Variants in RELN observed in about 807,000 individuals in gnomAD.
RELN encodes the protein reelin.
RELN carries 108 observed loss-of-function variants against 427.6 expected under a neutral mutation model. The observed-to-expected ratio is 0.25, with a 90% CI of 0.22 to 0.30. RELN has a LOEUF of 0.30. RELN is among the 10% of genes least tolerant of loss of function. The pLI is 1.00. For missense variants in RELN, 3,715 were observed against 4,302.8 expected (o/e 0.86, Z 3.82); for synonymous variants, 1,524 against 1,513.4 (o/e 1.01, Z -0.16).
intron 8 of RELN, among the ~76,000 whole-genome samples, chr7:103,704,852 G>A (rs1319930857): frequency 6.6e-6 from 1 of 152,078 alleles, no homozygotes; most frequent in Non-Finnish European, 1.5e-5. Context: ...CTACTCTCAA[G>A]CACTCAGTTG....
At chr7:103,939,555 A>G (rs1392424800) in intron 1 of RELN, among the ~76,000 whole-genome samples, 1 of 152,218 alleles carries the variant, frequency 6.6e-6, no homozygotes, top group Non-Finnish European at 1.5e-5. Flanking sequence ...GGGTTGGTAT[A>G]ACCATTCTTT....
intron 4 of RELN, among the ~76,000 whole-genome samples, chr7:103,756,554 C>A (rs1167302557): frequency 6.6e-6 from 1 of 152,110 alleles, no homozygotes; most frequent in Non-Finnish European, 1.5e-5. Context: ...TTGAAAGCTA[C>A]TCCTTAGTTG....
chr7:103,697,211 C>T (rs1833994473), intron 10 of RELN, among the ~76,000 whole-genome samples: 1 of 152,122 alleles, frequency 6.6e-6, no homozygotes, highest in South Asian at 2.1e-4. Flanking sequence ...ACTTAATTAC[C>T]TCCCAAGGGC....
Position 103,487,172 on chromosome 7 carries a change from C to CTG in RELN, c.9764-757_9764-756insCA, listed in dbSNP as rs1828469847. Among the ~76,000 whole-genome samples, 3 of 152,234 alleles carry CTG rather than the reference C, an allele frequency of 2.0e-5. No individual in the cohort carries two copies. The South Asian group carries it at 6.2e-4, about 32-fold the overall frequency. On this transcript the variant is annotated intron_variant, in intron 60 of 64. Transcript: ENST00000428762. The stretch of plus-strand genomic sequence containing the variant: ...AACACAAGAATAGAAAACCAAACCA[C>CTG]CGCATGTTCTAATTCATAGGTGGGA...
At chr7:103,702,172 G>A (rs557766808) in intron 8 of RELN, among the ~76,000 whole-genome samples, 1 of 152,316 alleles carries the variant, frequency 6.6e-6, no homozygotes, top group South Asian at 2.1e-4. Context: ...TTTAATTGTT[G>A]CTAAAACTCT....
intron 22 of RELN, among the ~76,000 whole-genome samples, chr7:103,606,096 A>G (rs1163115223): frequency 6.6e-6 from 1 of 152,212 alleles, no homozygotes; most frequent in Non-Finnish European, 1.5e-5. Flanking sequence ...AGCACTACAG[A>G]ATAGACGTAA....
At chr7:103,748,386 T>A (rs1790902098) in intron 6 of RELN, among the ~76,000 whole-genome samples, 1 of 152,144 alleles carries the variant, frequency 6.6e-6, no homozygotes, top group African/African-American at 2.4e-5. Flanking sequence ...CTCAACACTC[T>A]ATATGTCATC....
Position 103,573,499 on chromosome 7 carries a change from T to C in RELN, c.4511+593A>G, listed in dbSNP as rs1830929630. Among the ~76,000 whole-genome samples, 1 of 152,146 alleles carries C rather than the reference T, an allele frequency of 6.6e-6. No individual in the cohort carries two copies. The highest frequency in any genetic ancestry group is 1.5e-5 in the Non-Finnish European group (1 of 68,024). ...AAAATATGACACAGGACCCCAGATT[T>C]TGTGAGGAGGTCTAAAAATTTTAAA... On this transcript the variant is annotated intron_variant, in intron 30 of 64. Transcript: ENST00000428762. This position sits in a 1 kb window ranked among gnomAD's most constrained non-coding sequence, Gnocchi z 4.4.
intron 31 of RELN, among the ~76,000 whole-genome samples, 156 bp downstream of exon 31, chr7:103,572,028 G>A (rs535239614): frequency 1.3e-5 from 2 of 152,034 alleles, no homozygotes; most frequent in Non-Finnish European, 2.9e-5. Flanking sequence ...TAGAGATCTT[G>A]GCTCTGTGCA....
At chr7:103,510,241 A>G (rs1829361371) in intron 51 of RELN, among the ~76,000 whole-genome samples, 1 of 152,260 alleles carries the variant, frequency 6.6e-6, no homozygotes, top group South Asian at 2.1e-4. Context: ...AACCAACCAA[A>G]TGCCCATCAA....
At position 103,492,248 on chromosome 7, in the gene RELN, A is replaced by G. The variant is rs533872576; in HGVS notation, c.9370-222T>C. On this transcript the variant is annotated intron_variant, in intron 57 of 64. Transcript: ENST00000428762. ...TAAAGGTTTTAAAAGTTACATTTCT[A>G]TGTACTAAATTAGTATAATAAAAAA... 5.9e-4 allele frequency among the ~76,000 whole-genome samples: 90 copies of G among 152,346 alleles called. 1 individual carries two copies. Among genetic ancestry groups the G allele is most frequent in the African/African-American group, 2.1e-3 (88 of 41,574 alleles).
At chr7:103,872,061 T>A (rs1246038269) in intron 2 of RELN, among the ~76,000 whole-genome samples, 3 of 145,184 alleles carry the variant, frequency 2.1e-5, no homozygotes, top group African/African-American at 7.9e-5. Flanking sequence ...TCTTTTTTTA[T>A]TTATTTATTT....
rs1827877815 is a variant in RELN, at chr7:103,472,062, C to G, written c.*750G>C. 6.6e-6 allele frequency: 1 copy of G among 152,522 alleles called. No homozygotes were observed. The highest frequency in any genetic ancestry group is 1.5e-5 in the Non-Finnish European group (1 of 67,996). The allele number at this position is 152,522 out of a possible 1,614,324, so 9.4% of individuals were successfully genotyped here. A position where few individuals can be genotyped will look rare whatever the true frequency, so the allele number is the denominator to read the frequency against. ...CTGTTAGTAAATCAGCCACAGAACA[C>G]TTAAAAAAAGATCTTTAGACAAGGA... On this transcript the variant is annotated 3_prime_UTR_variant, in exon 65 of 65. Coordinates refer to ENST00000428762, the MANE Select transcript of RELN (RefSeq NM_005045.4).
At chr7:103,833,429 G>T in intron 3 of RELN, 108 bp downstream of exon 3, 3 of 1,110,228 alleles carry the variant, frequency 2.7e-6, no homozygotes, top group South Asian at 2.6e-5. Flanking sequence ...TTTAATTAGG[G>T]TTAAACCTGT....
intron 7 of RELN, among the ~76,000 whole-genome samples, chr7:103,726,266 T>C (rs1790209468): frequency 6.6e-6 from 1 of 152,286 alleles, no homozygotes; most frequent in South Asian, 2.1e-4. Flanking sequence ...ATAAAAATTA[T>C]GAAAAATTAG....
intron 49 of RELN, among the ~76,000 whole-genome samples, chr7:103,518,208 G>A (rs768462013): frequency 2.5e-4 from 38 of 151,942 alleles, no homozygotes; most frequent in Non-Finnish European, 5.1e-4. Flanking sequence ...GCCATTGACA[G>A]CTGAACCTAT....
chr7:103,951,848 T>G (rs950697925), intron 1 of RELN, among the ~76,000 whole-genome samples: 1 of 152,186 alleles, frequency 6.6e-6, no homozygotes, highest in African/African-American at 2.4e-5. Context: ...AATTTTTGTA[T>G]TTTTAGTAGA....
At position 103,697,864 on chromosome 7, in the gene RELN, C is replaced by T. The variant is rs1834010274; in HGVS notation, c.1132G>A (p.Ala378Thr). The T allele has an allele frequency of 1.9e-6, 3 of 1,613,610 alleles. No individual in the cohort carries two copies. Among genetic ancestry groups the T allele is most frequent in the East Asian group, 2.2e-5 (1 of 44,852 alleles). ...DTGNWLFFPGATVKHSCQSDG... is the reference protein window; with the variant it reads ...DTGNWLFFPGTTVKHSCQSDG... ...AAAAGAGCTCTAACCTTAACTGTAG[C>T]TCCTGGGAAGAAAAGCCAGTTGCCT... is the stretch of plus-strand genomic sequence containing the variant. The change falls in exon 10 of 65, where the codon GCT becomes ACT. Residue 378 changes from alanine to threonine, a missense_variant. Ala to Thr is a moderately conservative substitution (Grantham distance 58). This residue lies in a region of RELN where 2,208 missense variants were observed against 2,361.7 expected (regional missense o/e 0.93). Coordinates refer to ENST00000428762, the MANE Select transcript of RELN (RefSeq NM_005045.4).
intron 1 of RELN, among the ~76,000 whole-genome samples, chr7:103,926,791 T>C (rs1245484861): frequency 6.6e-6 from 1 of 151,996 alleles, no homozygotes; most frequent in Non-Finnish European, 1.5e-5. Context: ...ATTACAGGCA[T>C]GAGCCACCAC....
Sources: gnomAD v4.1 joint callset for allele counts (sites outside exome capture counted in the v4.1 genomes callset) on GRCh38, gnomAD v4.1.1 for gene constraint, gnomAD v4.1.1 regional missense constraint, Gnocchi (gnomAD v3.1) non-coding constraint, MANE v1.5 for transcripts, NCBI Gene and HGNC (gene_info 2026-07-23, HGNC 2026-07-21) for gene names.